NDUFA8: variants seen among roughly 807,000 people sequenced by gnomAD.
The protein encoded by NDUFA8 is NADH dehydrogenase [ubiquinone] 1 alpha subcomplex subunit 8.
Under a neutral mutation model 20.9 loss-of-function variants are expected in NDUFA8, and 16 were observed. The observed-to-expected ratio is 0.77, with a 90% CI of 0.52 to 1.16. NDUFA8 has a LOEUF of 1.16. Ranked by LOEUF, NDUFA8 falls within the 50% of genes most tolerant of loss-of-function variation. The pLI is 0.00. For synonymous variants in NDUFA8, 70 were observed against 76.1 expected, an observed-to-expected ratio of 0.92 and a Z score of 0.41; for missense variants, 202 against 216.4, an observed-to-expected ratio of 0.93 and a Z score of 0.42.
chr9:122,151,373 T>C (rs1462278433), intron 2 of NDUFA8, among the ~76,000 whole-genome samples: 1 of 152,154 alleles, frequency 6.6e-6, no homozygotes, highest in Non-Finnish European at 1.5e-5. Context: ...GAAGCACAAG[T>C]GATGCAATGA....
rs374765229 is a variant in NDUFA8 at position 122,144,146 on chromosome 9, C to G, written c.*95G>C. ...ACTTTTTTGTTAATGTTTGTGATCC[C>G]GGAAAGAACACACTATCAGTCGATG... On this transcript the variant is annotated 3_prime_UTR_variant, in exon 4 of 4. Transcript: ENST00000373768. 2.6e-5 allele frequency: 41 copies of G among 1,600,950 alleles called. No homozygotes were observed. The Admixed American group carries it at 6.5e-4, about 25-fold the overall frequency.
chr9:122,157,969 C>T (rs1335120997), intron 1 of NDUFA8, among the ~76,000 whole-genome samples: 2 of 152,066 alleles, frequency 1.3e-5, no homozygotes, highest in Non-Finnish European at 2.9e-5. Flanking sequence ...CTGGCTAACA[C>T]GGTGAAACCC....
chr9:122,157,185 A>G (rs944664341), intron 1 of NDUFA8, among the ~76,000 whole-genome samples: 20 of 152,138 alleles, frequency 1.3e-4, no homozygotes, highest in Admixed American at 4.6e-4. Context: ...CCATCTCCTT[A>G]CTTTTGCTCA....
At position 122,152,382 on chromosome 9, in the gene NDUFA8, T is replaced by C; in HGVS notation, c.78A>G (p.Lys26=). 6.2e-7 allele frequency: 1 copy of C among 1,614,120 alleles called. No homozygotes were observed. The part of the protein sequence containing the change: ...DEVKISSAVL[K]AAAHHYGAQC... Reference sequence around the variant, plus strand: ...GAGCTCCATAGTGATGGGCCGCAGCTTTAAGCACAGCAGAACTAATTTTCA... The same window carrying C: ...GAGCTCCATAGTGATGGGCCGCAGCCTTAAGCACAGCAGAACTAATTTTCA... The change falls in exon 2 of 4, where the codon AAA becomes AAG. Residue 26 remains lysine, a synonymous_variant. Coordinates refer to ENST00000373768, the MANE Select transcript of NDUFA8 (RefSeq NM_014222.3).
intron 1 of NDUFA8, among the ~76,000 whole-genome samples, chr9:122,158,742 T>C (rs190438286): frequency 3.7e-4 from 55 of 147,182 alleles, no homozygotes; most frequent in Non-Finnish European, 6.1e-4. Context: ...ACCAATTGTG[T>C]ATATATATAT....
chr9:122,132,972 C>G, the NDUFA8 span: 1 of 456,076 alleles, frequency 2.2e-6, no homozygotes, highest in Non-Finnish European at 4.4e-6. Flanking sequence ...GGGAAAGTCA[C>G]CCCTAGCGAG....
intron 1 of NDUFA8, among the ~76,000 whole-genome samples, chr9:122,154,358 A>C (rs1829047189): frequency 6.6e-6 from 1 of 152,214 alleles, no homozygotes; most frequent in Admixed American, 6.5e-5. Flanking sequence ...ATTTCTCTCC[A>C]TTTATTCATA....
chr9:122,145,701 G>A (rs1460573980), intron 3 of NDUFA8, among the ~76,000 whole-genome samples: 1 of 152,236 alleles, frequency 6.6e-6, no homozygotes, highest in East Asian at 1.9e-4. Context: ...ACACACTAAT[G>A]TCAGAGCTAA....
Position 122,152,292 on chromosome 9 carries a change from A to G in NDUFA8, c.168T>C (p.Cys56=). 1 of 1,614,158 alleles carries G rather than the reference A, an allele frequency of 6.2e-7. No homozygotes were observed. The highest frequency in any genetic ancestry group is 8.5e-7 in the Non-Finnish European group (1 of 1,180,040). The part of the protein sequence containing the change: ...CRWEEKDPRR[C]LEEGKLVNKC... The stretch of plus-strand genomic sequence containing the variant: ...TGTTGACCAGTTTGCCTTCCTCTAA[A>G]CACCGCCTCGGATCTTTCTCTTCCC... The change falls in exon 2 of 4, where the codon TGT becomes TGC. Residue 56 remains cysteine, a synonymous_variant. Transcript: ENST00000373768.
chr9:122,132,680 C>A, the NDUFA8 span, among the ~76,000 whole-genome samples: 2 of 152,232 alleles, frequency 1.3e-5, no homozygotes, highest in South Asian at 4.1e-4. Context: ...AGAGGATAAG[C>A]CAGATGACCC....
downstream of NDUFA8, among the ~76,000 whole-genome samples, chr9:122,142,456 A>G (rs183324838): frequency 4.3e-4 from 66 of 152,338 alleles, no homozygotes; most frequent in African/African-American, 1.5e-3. Context: ...CTCTGCGGGT[A>G]GGATCCAAAC....
intron 1 of NDUFA8, among the ~76,000 whole-genome samples, chr9:122,154,088 CTGTG>C (rs973100736): frequency 1.2e-4 from 18 of 152,330 alleles, no homozygotes; most frequent in East Asian, 3.9e-4. Context: ...CCTGAGTGGT[CTGTG>C]TGTGACTAGA....
downstream of NDUFA8, among the ~76,000 whole-genome samples, chr9:122,139,706 C>G (rs1422612239): frequency 3.3e-5 from 5 of 152,090 alleles, no homozygotes; most frequent in Middle Eastern, 3.2e-3. Context: ...TTTATTTTTT[C>G]ATTTGGAGAC....
downstream of NDUFA8, among the ~76,000 whole-genome samples, chr9:122,143,317 C>G (rs2118692048): frequency 6.6e-6 from 1 of 152,144 alleles, no homozygotes; most frequent in South Asian, 2.1e-4. Flanking sequence ...AACCAGAAGG[C>G]ATAAAATGAC....
chr9:122,142,442 G>C (rs1450619749), downstream of NDUFA8, among the ~76,000 whole-genome samples: 2 of 152,268 alleles, frequency 1.3e-5, no homozygotes, highest in Middle Eastern at 3.4e-3. Context: ...AATTACAACA[G>C]AATCTCTGCG....
chr9:122,159,636 T>C lies in NDUFA8; in HGVS notation c.42A>G (p.Lys14=). 1 of 1,614,124 alleles carries C rather than the reference T, an allele frequency of 6.2e-7. No homozygotes were observed. The highest frequency in any genetic ancestry group is 8.5e-7 in the Non-Finnish European group (1 of 1,179,994). Residue 14 remains lysine (K), a synonymous_variant, in exon 1 of 4, where the codon AAA becomes AAG. Coordinates refer to ENST00000373768, the MANE Select transcript of NDUFA8 (RefSeq NM_014222.3). The stretch of plus-strand genomic sequence containing the variant: ...CTCCGGATAGCCTCACCTCATCTAC[T>C]TTCAGCTCCTCTAGAGTGGGCAGCT... ...IVELPTLEEL[K]VDEVKISSAV... is the part of the protein sequence containing the mutation.
chr9:122,144,571 T>C (rs1354609596), intron 3 of NDUFA8, among the ~76,000 whole-genome samples, 193 bp from the exon 4 acceptor site: 2 of 152,202 alleles, frequency 1.3e-5, no homozygotes, highest in Non-Finnish European at 2.9e-5. Flanking sequence ...TTTATGTCAT[T>C]CCATGTGGTA....
the NDUFA8 span, among the ~76,000 whole-genome samples, chr9:122,137,238 CTTTTTT>C: frequency 9.4e-6 from 1 of 106,588 alleles, no homozygotes; most frequent in Non-Finnish European, 1.8e-5. Context: ...TTTTCCTTTC[CTTTTTT>C]TTTTTTTTTT....
At chr9:122,158,284 C>T (rs984743396) in intron 1 of NDUFA8, among the ~76,000 whole-genome samples, 7 of 152,190 alleles carry the variant, frequency 4.6e-5, no homozygotes, top group Non-Finnish European at 1.0e-4. Flanking sequence ...TGACACTCCT[C>T]TGCCTTAAAA....
Sources: gnomAD v4.1 joint callset for allele counts (sites outside exome capture counted in the v4.1 genomes callset) on GRCh38, gnomAD v4.1.1 for gene constraint, MANE v1.5 for transcripts, NCBI Gene and HGNC (gene_info 2026-07-23, HGNC 2026-07-21) for gene names.